The following PLEKHH2 variants were observed in gnomAD, a reference collection of about 807,000 sequenced individuals.
PLEKHH2 encodes pleckstrin homology domain-containing family H member 2.
A neutral mutation model predicts 187.9 loss-of-function variants in PLEKHH2; 129 were observed. The ratio of observed to expected loss-of-function variants is 0.69; its 90% CI spans 0.59 to 0.79. The LOEUF (loss-of-function observed/expected upper bound fraction) is 0.79, where lower values mean the gene tolerates loss of function less well. Ranked by LOEUF, PLEKHH2 falls within the 30% of genes least tolerant of loss-of-function variation. The pLI is 0.00. For synonymous variants in PLEKHH2, 686 were observed against 605.6 expected (o/e 1.13, Z -1.95); for missense variants, 2,076 against 1,751.2 (o/e 1.19, Z -3.31).
intron 22 of PLEKHH2, among the ~76,000 whole-genome samples, chr2:43,743,162 C>T (rs1222544286): frequency 6.6e-6 from 1 of 152,152 alleles, no homozygotes; most frequent in Non-Finnish European, 1.5e-5. Flanking sequence ...TTCTGATGGA[C>T]AGAAAAATAA....
intron 27 of PLEKHH2, among the ~76,000 whole-genome samples, chr2:43,761,052 AC>A (rs1483167613): frequency 2.6e-5 from 4 of 152,232 alleles, no homozygotes; most frequent in Non-Finnish European, 5.9e-5. Context: ...GTCAGTGGAC[AC>A]TAGAGTTGAA....
chr2:43,681,575 G>C (rs1206811495), intron 3 of PLEKHH2: 2 of 998,740 alleles, frequency 2.0e-6, no homozygotes, highest in African/African-American at 3.2e-5. Context: ...CGCACCTTCG[G>C]CACTCATGAC....
At chr2:43,678,492 G>A (rs945236586) in intron 2 of PLEKHH2, among the ~76,000 whole-genome samples, 1 of 152,208 alleles carries the variant, frequency 6.6e-6, no homozygotes, top group Non-Finnish European at 1.5e-5. Flanking sequence ...CAGATCACTC[G>A]CGGTTAGGAG....
At chr2:43,697,437 T>A in intron 7 of PLEKHH2, 81 bp downstream of exon 7, 1 of 1,132,298 alleles carries the variant, frequency 8.8e-7, no homozygotes, top group Non-Finnish European at 1.2e-6. Context: ...AAATATAGCT[T>A]AATTTTCCTT....
chr2:43,676,212 A>C (rs1358045181), intron 2 of PLEKHH2: 3 of 1,614,046 alleles, frequency 1.9e-6, no homozygotes, highest in Non-Finnish European at 2.5e-6. Flanking sequence ...CGTGGTCTTG[A>C]GTTTGACCTC....
In PLEKHH2 at chr2:43,678,759, G is replaced by GAGGTGGAGGTGGAGGTGC. The variant is rs1553335100; in HGVS notation, c.124-88_124-87insGCAGGTGGAGGTGGAGGT. 1,031 of 678,726 alleles carry GAGGTGGAGGTGGAGGTGC rather than the reference G, an allele frequency of 1.5e-3. 10 individuals are homozygous for GAGGTGGAGGTGGAGGTGC. The African/African-American group carries it at 0.016, about 11-fold the overall frequency. The allele number at this position is 678,726 out of a possible 1,614,324, so 42.0% of individuals were successfully genotyped here. The stretch of plus-strand genomic sequence containing the variant: ...GGAAGTGGAGGTGGAGGTGGAGGTG[G>GAGGTGGAGGTGGAGGTGC]AGGTGGAGGTGGAGGTAGAATTATG... On this transcript the variant is annotated intron_variant, in intron 2 of 29. Coordinates refer to ENST00000282406, the MANE Select transcript of PLEKHH2 (RefSeq NM_172069.4).
chr2:43,725,444 G>A (rs539559856), intron 16 of PLEKHH2, among the ~76,000 whole-genome samples: 51 of 152,274 alleles, frequency 3.3e-4, no homozygotes, highest in African/African-American at 9.6e-4. Flanking sequence ...CTTCTGTGCC[G>A]AAGCTGTCTT....
intron 15 of PLEKHH2, among the ~76,000 whole-genome samples, chr2:43,715,243 T>C (rs1223608479): frequency 6.6e-6 from 1 of 151,088 alleles, no homozygotes; most frequent in Admixed American, 6.6e-5. Context: ...AATGTTGCAC[T>C]CCAGCCTGTG....
At chr2:43,692,270 C>T (rs1668836261) in intron 3 of PLEKHH2, 1 of 301,268 alleles carries the variant, frequency 3.3e-6, no homozygotes, top group Non-Finnish European at 6.1e-6. Flanking sequence ...GAAACATGTA[C>T]ATTACTTTAT....
chr2:43,700,098 T>G lies in PLEKHH2; in HGVS notation c.1140T>G (p.Asp380Glu), dbSNP rs772387801. Residue 380 changes from aspartate to glutamate, a missense_variant, in exon 8 of 30, where the codon GAT (aspartate) becomes GAG (glutamate). By Grantham distance (45) the Asp-to-Glu change is conservative. Transcript: ENST00000282406. ...CTGAATTAAGTAAAAAGGAACAAGATAGTTCCTCGGATGAACTGAATAAAA... is the reference window on the plus strand; with the variant it reads ...CTGAATTAAGTAAAAAGGAACAAGAGAGTTCCTCGGATGAACTGAATAAAA... ...GNSELSKKEQ[D>E]SSSDELNKKF... The G allele has an allele frequency of 6.2e-7, 1 of 1,614,158 alleles. No individual in the cohort carries two copies. Among genetic ancestry groups the G allele is most frequent in the Non-Finnish European group, 8.5e-7 (1 of 1,180,028 alleles).
chr2:43,641,327 A>G (rs917809823), intron 1 of PLEKHH2, among the ~76,000 whole-genome samples: 1 of 152,124 alleles, frequency 6.6e-6, no homozygotes, highest in Non-Finnish European at 1.5e-5. Context: ...GTCATATCTA[A>G]GAATCTGTTG....
chr2:43,762,440 C>A (rs1315183029), intron 28 of PLEKHH2, 50 bp downstream of exon 28: 1 of 1,356,690 alleles, frequency 7.4e-7, no homozygotes, highest in Non-Finnish European at 1.1e-6. Flanking sequence ...TTCCATTGCT[C>A]AGTGTACCGT....
intron 9 of PLEKHH2, among the ~76,000 whole-genome samples, chr2:43,705,577 T>G (rs1669619588): frequency 6.6e-6 from 1 of 152,116 alleles, no homozygotes; most frequent in South Asian, 2.1e-4. Flanking sequence ...CATTCCAATA[T>G]TTCAACATCA....
chr2:43,722,943 C>G (rs1371444679), intron 16 of PLEKHH2, among the ~76,000 whole-genome samples: 1 of 152,072 alleles, frequency 6.6e-6, no homozygotes, highest in Non-Finnish European at 1.5e-5. Context: ...TCATTTTTTG[C>G]TATAAATATT....
rs759948059 is a variant in PLEKHH2, at chr2:43,716,141, G to C, written c.2460+3758G>C. On this transcript the variant is annotated intron_variant, in intron 15 of 29. Transcript: ENST00000282406. ...TTAGAATCAAGCTGGAGGGAACCTG[G>C]AGTCAGGAGAGGCATTTTTTAGGGT... Among the ~76,000 whole-genome samples the C allele has an allele frequency of 1.1e-4, 17 of 152,124 alleles. 1 individual carries two copies. The highest frequency in any genetic ancestry group is 2.4e-4 in the Non-Finnish European group (16 of 68,022).
At chr2:43,681,495 T>C (rs1668182698) in intron 3 of PLEKHH2, 1 of 1,544,408 alleles carries the variant, frequency 6.5e-7, no homozygotes, top group Non-Finnish European at 8.8e-7. Context: ...TTCCTGGGCA[T>C]CAACGTTATC....
chr2:43,743,934 T>C lies in PLEKHH2; in HGVS notation c.3500T>C (p.Phe1167Ser). 3 of 1,614,120 alleles carry C rather than the reference T, an allele frequency of 1.9e-6. No individual in the cohort carries two copies. The highest frequency in any genetic ancestry group is 2.5e-6 in the Non-Finnish European group (3 of 1,179,990). The change falls in exon 23 of 30, where the codon TTC becomes TCC. Residue 1167 changes from phenylalanine to serine, a missense_variant. Phe to Ser is a radical substitution (Grantham distance 155). Coordinates refer to ENST00000282406, the MANE Select transcript of PLEKHH2 (RefSeq NM_172069.4). ...CCAGCGCAGTCTGGATTTGCGTTGT[T>C]CACTGACGATCCTTCTGGCAGAGAT... ...RKPAQSGFAL[F>S]TDDPSGRDLE...
intron 16 of PLEKHH2, among the ~76,000 whole-genome samples, chr2:43,725,848 C>A (rs1008602787): frequency 6.6e-6 from 1 of 152,092 alleles, no homozygotes; most frequent in Non-Finnish European, 1.5e-5. Flanking sequence ...CGGTGGCTCA[C>A]GCTTGTGATC....
At chr2:43,681,959 T>C (rs1461258980) in intron 3 of PLEKHH2, among the ~76,000 whole-genome samples, 5 of 152,196 alleles carry the variant, frequency 3.3e-5, no homozygotes, top group Non-Finnish European at 4.4e-5. Flanking sequence ...GGCAAGACTT[T>C]AAGCACATAC....
Sources: allele counts gnomAD v4.1 joint callset (sites outside exome capture counted in the v4.1 genomes callset), GRCh38; gene constraint gnomAD v4.1.1; transcripts MANE v1.5; gene names NCBI Gene and HGNC (gene_info 2026-07-23, HGNC 2026-07-21).